ATP2B2: variants seen among roughly 807,000 people sequenced by gnomAD.
The protein encoded by ATP2B2 is ATPase plasma membrane Ca2+ transporting 2.
ATP2B2 carries 15 observed loss-of-function variants against 120.0 expected under a neutral mutation model. The observed-to-expected ratio is 0.12, with a 90% CI of 0.08 to 0.19. ATP2B2 has a LOEUF of 0.19. ATP2B2 is among the 10% of genes least tolerant of loss of function. The pLI is 1.00. For missense variants in ATP2B2, 1,045 were observed against 1,719.8 expected (o/e 0.61, Z 6.94); for synonymous variants, 694 against 700.3 (o/e 0.99, Z 0.14).
At chr3:10,532,353 G>A (rs946172007) in intron 3 of ATP2B2, among the ~76,000 whole-genome samples, 2 of 152,244 alleles carry the variant, frequency 1.3e-5, no homozygotes, top group African/African-American at 2.4e-5. Context: ...CCCTGGCTTC[G>A]AGCATCCTTT....
At chr3:10,508,965 G>A (rs866026310), upstream of ATP2B2, among the ~76,000 whole-genome samples, 1 of 152,214 alleles carries the variant, frequency 6.6e-6, no homozygotes, top group Non-Finnish European at 1.5e-5. Flanking sequence ...GACGGAAGGA[G>A]GAGCCAGCCA....
chr3:10,350,479 A>G lies in ATP2B2; in HGVS notation c.2235T>C (p.Cys745=). Residue 745 remains cysteine (C), a synonymous_variant, in exon 15 of 23, where the codon TGT becomes TGC. Coordinates refer to ENST00000360273, the MANE Select transcript of ATP2B2 (RefSeq NM_001001331.4). ...INTARAIAIK[C]GIIHPGEDFL... ...AGTCCTCCCCAGGATGGATGATGCC[A>G]CACTTGATGGCGATGGCCCGAGCCG... 1 of 1,614,216 alleles carries G rather than the reference A, an allele frequency of 6.2e-7. No homozygotes were observed. The highest frequency in any genetic ancestry group is 8.5e-7 in the Non-Finnish European group (1 of 1,180,034).
At chr3:10,648,180 T>C (rs1392355219) in intron 1 of ATP2B2, among the ~76,000 whole-genome samples, 2 of 152,120 alleles carry the variant, frequency 1.3e-5, no homozygotes, top group Non-Finnish European at 2.9e-5. Flanking sequence ...ACCACTGACT[T>C]CTGCACCCAC....
At chr3:10,694,435 T>C (rs2071712376) in intron 1 of ATP2B2, among the ~76,000 whole-genome samples, 1 of 152,254 alleles carries the variant, frequency 6.6e-6, no homozygotes, top group Non-Finnish European at 1.5e-5. Context: ...TTTTTAGGAC[T>C]GGCATTTTGC....
At chr3:10,654,907 T>C (rs1261645471) in intron 1 of ATP2B2, among the ~76,000 whole-genome samples, 2 of 151,864 alleles carry the variant, frequency 1.3e-5, no homozygotes, top group Non-Finnish European at 1.5e-5. Context: ...TTTAGAGAAA[T>C]ACTATCGCAG....
At position 10,379,291 on chromosome 3, in the gene ATP2B2, G is replaced by A. The variant is rs996430999; in HGVS notation, c.1001-7C>T. 17 of 1,613,868 alleles carry A rather than the reference G, an allele frequency of 1.1e-5. No individual in the cohort carries two copies. The highest frequency in any genetic ancestry group is 2.7e-5 in the African/African-American group (2 of 74,938). ...TTGCCATCCTGCATTTTACCTACAC[G>A]ACAAAGAATTTTAACAGACAACAGA... On this transcript the variant is annotated splice_region_variant and splice_polypyrimidine_tract_variant and intron_variant, in intron 8 of 22. Coordinates refer to ENST00000360273, the MANE Select transcript of ATP2B2 (RefSeq NM_001001331.4).
At chr3:10,509,691 C>G, upstream of ATP2B2, among the ~76,000 whole-genome samples, 1 of 152,188 alleles carries the variant, frequency 6.6e-6, no homozygotes, top group East Asian at 1.9e-4. Context: ...GACTGTGGAT[C>G]CAGGGGACCA....
At chr3:10,704,374 A>C (rs1351653355) in intron 1 of ATP2B2, among the ~76,000 whole-genome samples, 1 of 151,900 alleles carries the variant, frequency 6.6e-6, no homozygotes, top group Non-Finnish European at 1.5e-5. Flanking sequence ...TCTTCTTTCT[A>C]CCTTTTTCTT....
intron 19 of ATP2B2, among the ~76,000 whole-genome samples, chr3:10,341,546 A>G (rs371350487): frequency 1.3e-5 from 2 of 152,096 alleles, no homozygotes; most frequent in Non-Finnish European, 2.9e-5. Context: ...CCTGACCTCA[A>G]GTGATCCACC....
chr3:10,474,959 C>A (rs909241121), intron 1 of ATP2B2, among the ~76,000 whole-genome samples: 1 of 152,246 alleles, frequency 6.6e-6, no homozygotes, highest in African/African-American at 2.4e-5. Flanking sequence ...CTCATGCATT[C>A]AGTGTCCCCA....
intron 19 of ATP2B2, among the ~76,000 whole-genome samples, chr3:10,341,305 T>TTTTTG (rs910746315): frequency 3.3e-5 from 5 of 152,218 alleles, no homozygotes; most frequent in African/African-American, 7.2e-5. Flanking sequence ...TCCTGTATCC[T>TTTTTG]TTTTGTTTTG....
intron 1 of ATP2B2, among the ~76,000 whole-genome samples, chr3:10,657,360 A>C (rs906989863): frequency 6.6e-6 from 1 of 152,158 alleles, no homozygotes; most frequent in African/African-American, 2.4e-5. Flanking sequence ...GTCACCACCC[A>C]CCCTCATGTC....
intron 1 of ATP2B2, among the ~76,000 whole-genome samples, chr3:10,468,114 G>A (rs575829266): frequency 5.3e-5 from 8 of 152,324 alleles, no homozygotes; most frequent in African/African-American, 1.9e-4. Context: ...AGTGGGAGGC[G>A]GGGTTCTGGG....
intron 2 of ATP2B2, among the ~76,000 whole-genome samples, chr3:10,438,099 G>A (rs973208718): frequency 2.6e-5 from 4 of 152,070 alleles, no homozygotes; most frequent in African/African-American, 9.7e-5. Flanking sequence ...TCTGCCCCCT[G>A]GCCCATACCC....
rs534464297 is a variant in ATP2B2 at position 10,388,364 on chromosome 3, T to C, written c.820A>G (p.Thr274Ala). 6.2e-7 allele frequency: 1 copy of C among 1,614,068 alleles called. No individual in the cohort carries two copies. Among genetic ancestry groups the C allele is most frequent in the African/African-American group, 1.3e-5 (1 of 74,968 alleles). The change falls in exon 6 of 23, where the codon ACT becomes GCT. Residue 274 changes from threonine (T) to alanine (A), a missense_variant. Physicochemically the swap from Thr to Ala is moderately conservative, Grantham distance 58. Coordinates refer to ENST00000360273, the MANE Select transcript of ATP2B2 (RefSeq NM_001001331.4). ...GTCTGAGAGTTCACACCCACAGCAGTCACCAACATCCGTCCTGAGCCCTCC... is the reference window on the plus strand; with the variant it reads ...GTCTGAGAGTTCACACCCACAGCAGCCACCAACATCCGTCCTGAGCCCTCC... ...VMEGSGRMLVTAVGVNSQTGI... is the reference protein window; with the variant it reads ...VMEGSGRMLVAAVGVNSQTGI...
chr3:10,523,483 G>T (rs545446009), intron 3 of ATP2B2, among the ~76,000 whole-genome samples: 1 of 152,186 alleles, frequency 6.6e-6, no homozygotes, highest in East Asian at 1.9e-4. Context: ...CATGGAAGGC[G>T]GAATCCTGGT....
intron 2 of ATP2B2, among the ~76,000 whole-genome samples, chr3:10,544,511 C>T (rs964256908): frequency 6.6e-6 from 1 of 152,198 alleles, no homozygotes; most frequent in Admixed American, 6.5e-5. Flanking sequence ...CTAGTTTTCC[C>T]ATCAGGTGAT....
chr3:10,338,439 CCCT>C (rs1347309873), intron 21 of ATP2B2, 81 bp from the exon 22 acceptor site: 3 of 1,483,588 alleles, frequency 2.0e-6, no homozygotes, highest in Non-Finnish European at 2.8e-6. Context: ...TCCTCTACCT[CCCT>C]CCTCCTACCC....
At position 10,600,251 on chromosome 3, in the gene ATP2B2, G is replaced by A. The variant is rs147866163; in HGVS notation, c.-415+19666C>T. ...TCCCAAGTGTGTCCCCAGAAGTGCCGTTAACTGGATGCCCAAGGAGAGCTG... is the reference window on the plus strand; with the variant it reads ...TCCCAAGTGTGTCCCCAGAAGTGCCATTAACTGGATGCCCAAGGAGAGCTG... On this transcript the variant is annotated intron_variant, in intron 2 of 21. Coordinates refer to the ATP2B2 transcript ENST00000646379. Among the ~76,000 whole-genome samples, 778 of 152,318 alleles carry A rather than the reference G, an allele frequency of 5.1e-3. 13 individuals carry two copies. The highest frequency in any genetic ancestry group is 4.2e-3 in the Non-Finnish European group (286 of 68,030).
Sources: gnomAD v4.1 joint callset for allele counts (sites outside exome capture counted in the v4.1 genomes callset) on GRCh38, gnomAD v4.1.1 for gene constraint, MANE v1.5 for transcripts, NCBI Gene and HGNC (gene_info 2026-07-23, HGNC 2026-07-21) for gene names.